Variants in ARHGAP31 observed in about 807,000 individuals in gnomAD.
ARHGAP31 encodes the protein rho GTPase-activating protein 31.
Under a neutral mutation model 113.9 loss-of-function variants are expected in ARHGAP31, and 34 were observed. The observed-to-expected ratio is 0.30, with a 90% CI of 0.23 to 0.40. The LOEUF (loss-of-function observed/expected upper bound fraction) is 0.40, where lower values mean the gene tolerates loss of function less well. ARHGAP31 is among the 10% of genes least tolerant of loss of function. The pLI, the probability that ARHGAP31 is intolerant of heterozygous loss-of-function variation, is 1.00. For missense variants in ARHGAP31, 1,548 were observed against 1,767.1 expected (o/e 0.88, Z 2.22); for synonymous variants, 650 against 684.8 (o/e 0.95, Z 0.79).
intron 3 of ARHGAP31, among the ~76,000 whole-genome samples, chr3:119,374,109 G>A (rs1381751947): frequency 6.6e-6 from 1 of 152,158 alleles, no homozygotes; most frequent in African/African-American, 2.4e-5. Flanking sequence ...TGGTTTGGAG[G>A]CTTGTCCCCT....
intron 1 of ARHGAP31, among the ~76,000 whole-genome samples, chr3:119,298,006 C>T (rs1254736416): frequency 6.6e-6 from 1 of 152,086 alleles, no homozygotes; most frequent in Admixed American, 6.5e-5. Context: ...GCTGTGATCA[C>T]CCCTCACTGG....
intron 1 of ARHGAP31, among the ~76,000 whole-genome samples, chr3:119,351,419 T>C (rs2080109688): frequency 6.6e-6 from 1 of 152,188 alleles, no homozygotes; most frequent in South Asian, 2.1e-4. Flanking sequence ...GCATGAATTT[T>C]GGATTCAAAC....
In ARHGAP31 at chr3:119,420,485, G is replaced by A. The variant is rs2080811454; in HGVS notation, c.*4221G>A. ...CAGTACAGATAGCATAAAATTGGGGGCCACCACAGATTGGCTGGCTACTGT... is the reference window on the plus strand; with the variant it reads ...CAGTACAGATAGCATAAAATTGGGGACCACCACAGATTGGCTGGCTACTGT... On this transcript the variant is annotated 3_prime_UTR_variant, in exon 12 of 12. Transcript: ENST00000264245. 2 of 152,166 alleles carry A rather than the reference G, an allele frequency of 1.3e-5. No homozygotes were observed. Among genetic ancestry groups the A allele is most frequent in the African/African-American group, 4.8e-5 (2 of 41,428 alleles). The allele number at this position is 152,166 out of a possible 1,614,324, so 9.4% of individuals were successfully genotyped here. A position where few individuals can be genotyped will look rare whatever the true frequency, so the allele number is the denominator to read the frequency against.
intron 3 of ARHGAP31, among the ~76,000 whole-genome samples, chr3:119,376,293 A>G (rs770326693): frequency 2.3e-4 from 35 of 152,292 alleles, no homozygotes; most frequent in Non-Finnish European, 3.7e-4. Flanking sequence ...GTTTGAGATC[A>G]GCCTGGCCAA....
rs75526698 is a variant in ARHGAP31, at chr3:119,369,620, G to T, written c.348+1104G>T. Among the ~76,000 whole-genome samples the T allele has an allele frequency of 8.2e-3, 1,251 of 152,316 alleles. 38 individuals carry two copies. The East Asian group carries it at 0.11, about 13-fold the overall frequency. Reference sequence around the variant, plus strand: ...AATGAATGCTATTTCTTAAAAATGGGCTTGGGCTGTAAAAATATGTTTAGG... The same window carrying T: ...AATGAATGCTATTTCTTAAAAATGGTCTTGGGCTGTAAAAATATGTTTAGG... On this transcript the variant is annotated intron_variant, in intron 3 of 11. Transcript: ENST00000264245.
chr3:119,359,146 T>C (rs1317145816), intron 1 of ARHGAP31, among the ~76,000 whole-genome samples: 1 of 151,906 alleles, frequency 6.6e-6, no homozygotes, highest in Non-Finnish European at 1.5e-5. Context: ...GCCTCCTGAG[T>C]AGCTGGGATT....
rs938115730 is a variant in ARHGAP31, at chr3:119,419,820, C to T, written c.*3556C>T. 3.3e-5 allele frequency: 5 copies of T among 152,124 alleles called. No homozygotes were observed. Among genetic ancestry groups the T allele is most frequent in the Non-Finnish European group, 7.3e-5 (5 of 68,038 alleles). 9.4% of individuals were successfully genotyped at this position (152,124 alleles called of 1,614,324 possible). ...CTTGATTTAGAAAACTGGAAAGTGG[C>T]AACTAGGCTAGAATAGTGGCAACTA... On this transcript the variant is annotated 3_prime_UTR_variant, in exon 12 of 12. Coordinates refer to ENST00000264245, the MANE Select transcript of ARHGAP31 (RefSeq NM_020754.4).
At chr3:119,387,453 G>T (rs1198381992) in intron 6 of ARHGAP31, among the ~76,000 whole-genome samples, 1 of 152,162 alleles carries the variant, frequency 6.6e-6, no homozygotes, top group African/African-American at 2.4e-5. Flanking sequence ...ATCTATATCT[G>T]GTATAACTAT....
intron 1 of ARHGAP31, among the ~76,000 whole-genome samples, chr3:119,329,347 C>T (rs1323872112): frequency 6.6e-6 from 1 of 152,168 alleles, no homozygotes; most frequent in African/African-American, 2.4e-5. Flanking sequence ...CAGAACTACA[C>T]GCACATGCCA....
Position 119,409,691 on chromosome 3 carries a change from A to C in ARHGAP31, c.1841A>C (p.Glu614Ala). 1 of 1,610,736 alleles carries C rather than the reference A, an allele frequency of 6.2e-7. No homozygotes were observed. The highest frequency in any genetic ancestry group is 8.5e-7 in the Non-Finnish European group (1 of 1,178,504). Residue 614 changes from glutamate to alanine, a missense_variant, in exon 11 of 12, where the codon GAG (glutamate) becomes GCG (alanine). Transcript: ENST00000264245. The part of the protein sequence containing the change: ...KRPNPEKVVE[E>A]GREAGEMESS... ...CCAAATCCGGAGAAGGTGGTGGAGGAGGGACGAGAGGCTGGTGAGATGGAG... is the reference window on the plus strand; with the variant it reads ...CCAAATCCGGAGAAGGTGGTGGAGGCGGGACGAGAGGCTGGTGAGATGGAG...
At chr3:119,366,279 CAAA>C (rs55888648) in intron 2 of ARHGAP31, among the ~76,000 whole-genome samples, 2 of 151,452 alleles carry the variant, frequency 1.3e-5, no homozygotes, top group Admixed American at 1.3e-4. Flanking sequence ...GCTTTTAAAA[CAAA>C]AAAAATTCTT....
intron 6 of ARHGAP31, among the ~76,000 whole-genome samples, chr3:119,387,253 T>C (rs1032390803): frequency 2.6e-5 from 4 of 152,232 alleles, no homozygotes; most frequent in Non-Finnish European, 4.4e-5. Flanking sequence ...GCTGGCCCTG[T>C]CCGGGCATAA....
intron 8 of ARHGAP31, among the ~76,000 whole-genome samples, chr3:119,397,661 G>C (rs2080564396): frequency 6.6e-6 from 1 of 152,238 alleles, no homozygotes; most frequent in African/African-American, 2.4e-5. Flanking sequence ...GCCTCAAGCT[G>C]GGAGACCAAG....
chr3:119,380,558 A>G (rs888137368), intron 3 of ARHGAP31, among the ~76,000 whole-genome samples: 1 of 151,424 alleles, frequency 6.6e-6, no homozygotes, highest in African/African-American at 2.4e-5. Flanking sequence ...GCCTATCTCT[A>G]TCTCTTTACC....
At position 119,414,886 on chromosome 3, in the gene ARHGAP31, CTCT is replaced by C; in HGVS notation, c.2960_2962del (p.Leu987del). Reference sequence around the variant, plus strand: ...CTTGAAACAGAGAGGAATTCTGACCCTCTTCAGCCCCAGGCACCCAGGAGAGAG... The same window carrying C: ...CTTGAAACAGAGAGGAATTCTGACCCTCAGCCCCAGGCACCCAGGAGAGAG... On this transcript the variant is annotated inframe_deletion, in exon 12 of 12. Coordinates refer to ENST00000264245, the MANE Select transcript of ARHGAP31 (RefSeq NM_020754.4). 6.2e-7 allele frequency: 1 copy of C among 1,614,208 alleles called. No homozygotes were observed. Among genetic ancestry groups the C allele is most frequent in the South Asian group, 1.1e-5 (1 of 91,088 alleles).
intron 1 of ARHGAP31, among the ~76,000 whole-genome samples, chr3:119,309,288 G>T (rs1216226614): frequency 6.6e-6 from 1 of 152,226 alleles, no homozygotes; most frequent in African/African-American, 2.4e-5. Context: ...TTTGTAGACT[G>T]CAAGTGTAAA....
At chr3:119,409,838 T>G in intron 11 of ARHGAP31, 62 bp downstream of exon 11, 2 of 1,490,764 alleles carry the variant, frequency 1.3e-6, no homozygotes, top group Non-Finnish European at 1.8e-6. Context: ...GGGCTCTTGG[T>G]ACAATTTAAA....
At chr3:119,362,550 CGGA>C in intron 1 of ARHGAP31, among the ~76,000 whole-genome samples, 1 of 152,012 alleles carries the variant, frequency 6.6e-6, no homozygotes, top group East Asian at 1.9e-4. Flanking sequence ...GGTGGATCAC[CGGA>C]GATCAGGAGT....
intron 2 of ARHGAP31, among the ~76,000 whole-genome samples, chr3:119,367,301 A>C (rs1178993837): frequency 6.6e-6 from 1 of 152,222 alleles, no homozygotes; most frequent in East Asian, 1.9e-4. Flanking sequence ...GAATACTCTC[A>C]AAAAGCTTAA....
Sources: gnomAD v4.1 joint callset for allele counts (sites outside exome capture counted in the v4.1 genomes callset) on GRCh38, gnomAD v4.1.1 for gene constraint, MANE v1.5 for transcripts, NCBI Gene and HGNC (gene_info 2026-07-23, HGNC 2026-07-21) for gene names.